The following LPP variants were observed in gnomAD, a reference collection of about 807,000 sequenced individuals.
LPP encodes the protein lipoma-preferred partner.
LPP carries 38 observed loss-of-function variants against 60.4 expected under a neutral mutation model. That is an observed-to-expected ratio of 0.63 (90% CI 0.49 to 0.83). The LOEUF (loss-of-function observed/expected upper bound fraction) is 0.83. Among genes scored for constraint, LPP ranks in the 40% least tolerant of loss-of-function variants. The pLI, the probability that LPP is intolerant of heterozygous loss-of-function variation, is 0.00. For synonymous variants in LPP, 328 were observed against 290.8 expected (o/e 1.13, Z -1.30); for missense variants, 902 against 783.6 (o/e 1.15, Z -1.80).
intron 9 of LPP, among the ~76,000 whole-genome samples, chr3:188,832,860 T>C (rs1030419781): frequency 6.6e-6 from 1 of 152,190 alleles, no homozygotes; most frequent in African/African-American, 2.4e-5. Context: ...CCTGGTTTTC[T>C]TGGTCCTGAA....
chr3:188,281,637 T>C (rs1471795027), intron 2 of LPP, among the ~76,000 whole-genome samples: 2 of 147,284 alleles, frequency 1.4e-5, no homozygotes, highest in African/African-American at 5.0e-5. Context: ...CAAAGTCATA[T>C]TGCAAGGATG....
chr3:188,760,101 T>C lies in LPP; in HGVS notation c.1241-12T>C. ...TCCTTGGTGTGTTCTTATCAAACCCTTTTTTTTCCAGGCCGCTGTGCTCGC... is the reference window on the plus strand; with the variant it reads ...TCCTTGGTGTGTTCTTATCAAACCCCTTTTTTTCCAGGCCGCTGTGCTCGC... On this transcript the variant is annotated splice_polypyrimidine_tract_variant and intron_variant, in intron 8 of 11. Transcript: ENST00000617246. 1.9e-6 allele frequency: 3 copies of C among 1,607,428 alleles called. No individual in the cohort carries two copies. The highest frequency in any genetic ancestry group is 2.6e-6 in the Non-Finnish European group (3 of 1,175,572).
chr3:188,732,716 C>CAAAAAAAAAAAAA (rs1167795146), intron 8 of LPP, among the ~76,000 whole-genome samples: 1 of 74,318 alleles, frequency 1.3e-5, no homozygotes, highest in Non-Finnish European at 2.4e-5. Flanking sequence ...AGACTCTTAT[C>CAAAAAAAAAAAAA]AAAAAAAAAA....
chr3:188,706,842 C>G (rs561913420), intron 7 of LPP, among the ~76,000 whole-genome samples: 1 of 152,184 alleles, frequency 6.6e-6, no homozygotes, highest in Non-Finnish European at 1.5e-5. Context: ...GCATTCCCAA[C>G]CCACATCTCT....
rs115268821 is a variant in LPP at position 188,715,933 on chromosome 3, A to G, written c.1240+7540A>G. On this transcript the variant is annotated intron_variant, in intron 8 of 11. Coordinates refer to ENST00000617246, the MANE Select transcript of LPP (RefSeq NM_001375462.1). ...TAAGGATGGACTGGAAATATCTGAC[A>G]GTAGATTTTTAAGCATAGAGCTGTA... 8.7e-3 allele frequency among the ~76,000 whole-genome samples: 1,324 copies of G among 152,336 alleles called. 15 individuals carry two copies. Among genetic ancestry groups the G allele is most frequent in the African/African-American group, 0.029 (1,219 of 41,572 alleles).
At chr3:188,359,594 A>T (rs1768664106) in intron 3 of LPP, among the ~76,000 whole-genome samples, 1 of 152,158 alleles carries the variant, frequency 6.6e-6, no homozygotes. Context: ...TAGAATTGTC[A>T]TGTCAAATTC....
chr3:188,417,294 GTAATA>G (rs1228638823), intron 4 of LPP, among the ~76,000 whole-genome samples: 2 of 151,984 alleles, frequency 1.3e-5, no homozygotes, highest in African/African-American at 4.8e-5. Context: ...ATTTAGTGCC[GTAATA>G]TAATATGAAG....
At chr3:188,816,464 G>C (rs751424875) in intron 9 of LPP, among the ~76,000 whole-genome samples, 10 of 151,946 alleles carry the variant, frequency 6.6e-5, no homozygotes, top group Non-Finnish European at 1.3e-4. Flanking sequence ...GCCTCCCAAA[G>C]TGCTGGGATT....
intron 8 of LPP, among the ~76,000 whole-genome samples, chr3:188,744,194 A>T (rs1258293634): frequency 1.3e-5 from 2 of 152,154 alleles, no homozygotes; most frequent in Non-Finnish European, 2.9e-5. Flanking sequence ...ACACACTTAC[A>T]TGCACAATGA....
chr3:188,377,757 G>T (rs1011121924), intron 3 of LPP, among the ~76,000 whole-genome samples: 2 of 152,156 alleles, frequency 1.3e-5, no homozygotes, highest in Non-Finnish European at 2.9e-5. Flanking sequence ...GAGGAGCTGT[G>T]TTCCTTTGGA....
At chr3:188,641,646 G>C (rs575044259) in intron 7 of LPP, among the ~76,000 whole-genome samples, 1 of 152,254 alleles carries the variant, frequency 6.6e-6, no homozygotes, top group Admixed American at 6.5e-5. Context: ...AAGGCTCTTT[G>C]GATTGCCATT....
chr3:188,539,157 T>G (rs1031606068), intron 6 of LPP, among the ~76,000 whole-genome samples: 43 of 152,232 alleles, frequency 2.8e-4, no homozygotes, highest in Non-Finnish European at 7.3e-5. Context: ...TTTTATGGTA[T>G]GTGAATCATG....
At chr3:188,417,520 T>C (rs1347947977) in intron 4 of LPP, among the ~76,000 whole-genome samples, 4 of 152,104 alleles carry the variant, frequency 2.6e-5, no homozygotes, top group Admixed American at 2.0e-4. Context: ...CCTCAGGCAA[T>C]GCATCTGGGC....
chr3:188,601,236 C>T (rs1420640899), intron 6 of LPP, among the ~76,000 whole-genome samples: 1 of 151,940 alleles, frequency 6.6e-6, no homozygotes, highest in Non-Finnish European at 1.5e-5. Flanking sequence ...TATAAACAAT[C>T]CTCATGTATT....
intron 9 of LPP, among the ~76,000 whole-genome samples, chr3:188,858,800 G>A (rs1289118443): frequency 5.3e-5 from 8 of 152,060 alleles, no homozygotes; most frequent in Non-Finnish European, 1.2e-4. Context: ...GTTAAAACAT[G>A]GATGTTCGGC....
chr3:188,419,665 G>C (rs975824613), intron 4 of LPP, among the ~76,000 whole-genome samples: 2 of 152,172 alleles, frequency 1.3e-5, no homozygotes, highest in African/African-American at 4.8e-5. Context: ...GGCCAAGGGT[G>C]GATCACCTGA....
chr3:188,810,619 G>GA (rs1391251075), intron 9 of LPP, among the ~76,000 whole-genome samples: 1 of 152,078 alleles, frequency 6.6e-6, no homozygotes, highest in African/African-American at 2.4e-5. Flanking sequence ...GTATGTATAG[G>GA]AAAAAACAGT....
rs75424370 is a variant in LPP, at chr3:188,349,656, C to A, written c.-10+7937C>A. Reference sequence around the variant, plus strand: ...TCTGTGGCTCTTTCTTTCCAGATGCCTCCTATCCTCTGCAATAGGTTCAGT... The same window carrying A: ...TCTGTGGCTCTTTCTTTCCAGATGCATCCTATCCTCTGCAATAGGTTCAGT... On this transcript the variant is annotated intron_variant, in intron 3 of 11. Coordinates refer to ENST00000617246, the MANE Select transcript of LPP (RefSeq NM_001375462.1). 7.6e-3 allele frequency among the ~76,000 whole-genome samples: 1,158 copies of A among 152,274 alleles called. 18 individuals carry two copies. Among genetic ancestry groups the A allele is most frequent in the African/African-American group, 0.026 (1,100 of 41,554 alleles).
At chr3:188,165,023 G>A (rs1348311108) in intron 1 of LPP, among the ~76,000 whole-genome samples, 4 of 152,054 alleles carry the variant, frequency 2.6e-5, no homozygotes, top group African/African-American at 9.7e-5. Flanking sequence ...TGTAATCCCG[G>A]TACTTTGGGA....
Sources: allele counts gnomAD v4.1 joint callset (sites outside exome capture counted in the v4.1 genomes callset), GRCh38; gene constraint gnomAD v4.1.1; transcripts MANE v1.5; gene names NCBI Gene and HGNC (gene_info 2026-07-23, HGNC 2026-07-21).